The following SIRPB1 variants were observed in gnomAD, a reference collection of about 807,000 sequenced individuals.
The protein encoded by SIRPB1 is signal-regulatory protein beta-1.
SIRPB1 carries 28 observed loss-of-function variants against 34.1 expected under a neutral mutation model. The observed-to-expected ratio is 0.82, with a 90% CI of 0.61 to 1.12. The LOEUF is 1.12. SIRPB1 is among the 50% of genes most tolerant of loss of function. The probability of loss-of-function intolerance (pLI) is 0.00; values close to 1 mark genes in which losing one functional copy is unlikely to be tolerated. For missense variants in SIRPB1, 499 were observed against 507.0 expected (o/e 0.98, Z 0.15); for synonymous variants, 211 against 203.8 (o/e 1.04, Z -0.30).
At chr20:1,615,394 C>A (rs2091615408) in intron 1 of SIRPB1, among the ~76,000 whole-genome samples, 1 of 152,172 alleles carries the variant, frequency 6.6e-6, no homozygotes, top group Non-Finnish European at 1.5e-5. Context: ...GGGGAGCATA[C>A]TTTCCTGTCG....
In SIRPB1 at chr20:1,615,591, G is replaced by A. The variant is rs143399970; in HGVS notation, c.76+4278C>T. Reference sequence around the variant, plus strand: ...TGCAATAATCCTCAACCAAACACTAGCTGAGTTCAGCAGCATATTAGAAGG... The same window carrying A: ...TGCAATAATCCTCAACCAAACACTAACTGAGTTCAGCAGCATATTAGAAGG... On this transcript the variant is annotated intron_variant, in intron 1 of 5. Coordinates refer to ENST00000381605, the MANE Select transcript of SIRPB1 (RefSeq NM_006065.5). 1.9e-3 allele frequency among the ~76,000 whole-genome samples: 290 copies of A among 152,290 alleles called. 3 individuals carry two copies. Among genetic ancestry groups the A allele is most frequent in the African/African-American group, 6.8e-3 (281 of 41,550 alleles).
rs199924962 is a variant in SIRPB1 at position 1,578,420 on chromosome 20, G to T, written c.351C>A (p.Thr117=). The change falls in exon 2 of 6, where the codon ACC becomes ACA. Residue 117 remains threonine (T), a synonymous_variant. Transcript: ENST00000381605. ...CTTTCCGGAACTTCACACAGTAGTA[G>T]GTGCCGGCGTCTGCTGGGGTGATGT... The part of the protein sequence containing the change: ...ISNITPADAG[T]YYCVKFRKGS... 9.5e-6 allele frequency: 15 copies of T among 1,585,076 alleles called. No homozygotes were observed. Among genetic ancestry groups the T allele is most frequent in the Non-Finnish European group, 1.3e-5 (15 of 1,158,562 alleles).
chr20:1,614,052 C>T (rs562038787), intron 1 of SIRPB1, among the ~76,000 whole-genome samples: 2 of 152,290 alleles, frequency 1.3e-5, no homozygotes, highest in South Asian at 2.1e-4. Context: ...CAGCTCAGCT[C>T]TTATACAAAG....
chr20:1,610,921 T>C (rs144994306), intron 1 of SIRPB1, among the ~76,000 whole-genome samples: 1,601 of 72,976 alleles, frequency 0.022, 726 homozygotes, highest in African/African-American at 0.14. Flanking sequence ...GCACAGCATC[T>C]AGGGCAGAGC....
intron 1 of SIRPB1, among the ~76,000 whole-genome samples, chr20:1,615,195 C>A (rs990589523): frequency 2.6e-5 from 4 of 152,186 alleles, no homozygotes; most frequent in African/African-American, 9.7e-5. Context: ...ATAAAAGTAT[C>A]TCTTCTCTGT....
chr20:1,578,384 G>T lies in SIRPB1; in HGVS notation c.387C>A (p.Asp129Glu), dbSNP rs201140189. The change falls in exon 2 of 6, where the codon GAC becomes GAA. Residue 129 changes from aspartate to glutamate, a missense_variant. Transcript: ENST00000381605. ...CTGCTCCAGACTTAAACTCCACGTC[G>T]TCAGGGCTCCCTTTCCGGAACTTCA... ...YCVKFRKGSPDDVEFKSGAGT... is the reference protein window; with the variant it reads ...YCVKFRKGSPEDVEFKSGAGT... 4 of 1,585,714 alleles carry T rather than the reference G, an allele frequency of 2.5e-6. 1 individual carries two copies. The highest frequency in any genetic ancestry group is 2.7e-5 in the African/African-American group (2 of 73,658).
At chr20:1,572,256 G>C (rs542124961) in intron 2 of SIRPB1, among the ~76,000 whole-genome samples, 49 of 152,334 alleles carry the variant, frequency 3.2e-4, no homozygotes, top group African/African-American at 1.0e-3. Context: ...GCAGGGCCCA[G>C]AGGGAAGTCC....
At chr20:1,567,286 G>A (rs1442565416) in intron 4 of SIRPB1, among the ~76,000 whole-genome samples, 3 of 152,112 alleles carry the variant, frequency 2.0e-5, no homozygotes, top group Non-Finnish European at 4.4e-5. Context: ...GCCCACATGA[G>A]AGATAGACTG....
chr20:1,566,266 T>C lies in SIRPB1; in HGVS notation c.1086A>G (p.Glu362=), dbSNP rs1267410155. 1.9e-6 allele frequency: 3 copies of C among 1,588,700 alleles called. No individual in the cohort carries two copies. Among genetic ancestry groups the C allele is most frequent in the Non-Finnish European group, 1.7e-6 (2 of 1,166,648 alleles). The stretch of plus-strand genomic sequence containing the variant: ...GTGGAGCAGTAGGAGCCAGCGCTGC[T>C]TCTGGAAATCAGGGAAGAGGAGGAG... ...QKEHGSDITH[E]AALAPTAPLL... is the part of the protein sequence containing the mutation. The change falls in exon 5 of 6, where the codon GAA becomes GAG. Residue 362 remains glutamate (E), a splice_region_variant and synonymous_variant. Coordinates refer to ENST00000381605, the MANE Select transcript of SIRPB1 (RefSeq NM_006065.5).
rs2091112717 is a variant in SIRPB1, at chr20:1,565,297, C to T, written c.*203G>A. The T allele has an allele frequency of 2.8e-6, 1 of 353,756 alleles. No homozygotes were observed. 21.9% of individuals were successfully genotyped at this position (353,756 alleles called of 1,614,324 possible). ...CATGAGTCAGTGCCCAGAGCCCAAT[C>T]CCATGGCCCCTGCTCAGGACCGTGA... is the stretch of plus-strand genomic sequence containing the variant. On this transcript the variant is annotated 3_prime_UTR_variant, in exon 6 of 6. Coordinates refer to ENST00000381605, the MANE Select transcript of SIRPB1 (RefSeq NM_006065.5).
At chr20:1,614,123 T>C (rs993418542) in intron 1 of SIRPB1, among the ~76,000 whole-genome samples, 1 of 152,190 alleles carries the variant, frequency 6.6e-6, no homozygotes, top group African/African-American at 2.4e-5. Flanking sequence ...GAAAAATATG[T>C]CAATCATGAA....
In SIRPB1 at chr20:1,611,630, AG is replaced by A. The variant is rs1200970320; in HGVS notation, c.76+8238del. 10 of 1,277,672 alleles carry A rather than the reference AG, an allele frequency of 7.8e-6. 3 individuals are homozygous for A. The highest frequency in any genetic ancestry group is 1.0e-5 in the Non-Finnish European group (10 of 953,242). 79.1% of individuals were successfully genotyped at this position (1,277,672 alleles called of 1,614,324 possible). ...ACAGGGATCAGGGAAGTCACAGTGC[AG>A]TGCAGAGTGGCCGACTCTCCAGCTG... On this transcript the variant is annotated intron_variant, in intron 1 of 5. Coordinates refer to ENST00000381605, the MANE Select transcript of SIRPB1 (RefSeq NM_006065.5).
Position 1,595,066 on chromosome 20 carries a change from G to T in SIRPB1, c.77-16372C>A, listed in dbSNP as rs1021063640. 1.2e-4 allele frequency among the ~76,000 whole-genome samples: 6 copies of T among 48,232 alleles called. 2 individuals carry two copies. The highest frequency in any genetic ancestry group is 2.4e-4 in the Non-Finnish European group (6 of 25,110). The allele number at this position is 48,232 out of a possible 152,430, so 31.6% of individuals were successfully genotyped here. Reference sequence around the variant, plus strand: ...CTAGAATCATGGGTGCTGAGATCATGTGCTCAGCACCAAGGTCATGGTGCA... The same window carrying T: ...CTAGAATCATGGGTGCTGAGATCATTTGCTCAGCACCAAGGTCATGGTGCA... On this transcript the variant is annotated intron_variant, in intron 1 of 5. Transcript: ENST00000381605.
chr20:1,604,840 C>G lies in SIRPB1; in HGVS notation c.76+15029G>C. ...GATGACTTGAGAGTGAACGTCCTCG[C>G]GGGTCAGCACCACCTTGGCTGTGCT... On this transcript the variant is annotated intron_variant, in intron 1 of 5. Coordinates refer to ENST00000381605, the MANE Select transcript of SIRPB1 (RefSeq NM_006065.5). 4.9e-6 allele frequency: 3 copies of G among 616,316 alleles called. 1 individual carries two copies. Among genetic ancestry groups the G allele is most frequent in the Non-Finnish European group, 6.5e-6 (3 of 461,118 alleles). 38.2% of individuals were successfully genotyped at this position (616,316 alleles called of 1,614,324 possible).
chr20:1,569,502 T>C (rs1336819992), intron 4 of SIRPB1, among the ~76,000 whole-genome samples: 1 of 152,232 alleles, frequency 6.6e-6, no homozygotes, highest in African/African-American at 2.4e-5. Context: ...GACGTGACTA[T>C]GCACCTTCCA....
At chr20:1,616,285 G>A (rs928816821) in intron 1 of SIRPB1, among the ~76,000 whole-genome samples, 2 of 152,142 alleles carry the variant, frequency 1.3e-5, no homozygotes, top group African/African-American at 2.4e-5. Context: ...AAGACTGGAG[G>A]CATCACATTG....
At position 1,571,024 on chromosome 20, in the gene SIRPB1, T is replaced by A; in HGVS notation, c.865A>T (p.Asn289Tyr). 1 of 1,614,088 alleles carries A rather than the reference T, an allele frequency of 6.2e-7. No homozygotes were observed. The highest frequency in any genetic ancestry group is 8.5e-7 in the Non-Finnish European group (1 of 1,179,986). Residue 289 changes from asparagine to tyrosine, a missense_variant, in exon 4 of 6, where the codon AAT (asparagine) becomes TAT (tyrosine). Coordinates refer to ENST00000381605, the MANE Select transcript of SIRPB1 (RefSeq NM_006065.5). ...PRGLQLTWLE[N>Y]GNVSRTETAS... Reference sequence around the variant, plus strand: ...GTTTCTGTCCGGGACACATTTCCATTCTCCAACCAGGTCAGCTGTAGTCCC... The same window carrying A: ...GTTTCTGTCCGGGACACATTTCCATACTCCAACCAGGTCAGCTGTAGTCCC...
chr20:1,619,918 G>A lies in SIRPB1; in HGVS notation c.27C>T (p.His9=). ...TCATCAGCAGGAAAGGACTAGGAAG[G>A]TGGGGCCAGGAGGCTGGCACGGGCA... is the stretch of plus-strand genomic sequence containing the variant. MPVPASWP[H]LPSPFLLMTL... is the part of the protein sequence containing the mutation. The change falls in exon 1 of 6, where the codon CAC becomes CAT. Residue 9 remains histidine, a synonymous_variant. Coordinates refer to ENST00000381605, the MANE Select transcript of SIRPB1 (RefSeq NM_006065.5). 6.2e-7 allele frequency: 1 copy of A among 1,614,000 alleles called. No individual in the cohort carries two copies. Among genetic ancestry groups the A allele is most frequent in the South Asian group, 1.1e-5 (1 of 91,084 alleles).
In SIRPB1 at chr20:1,602,625, T is replaced by A. The variant is rs2091481085; in HGVS notation, c.76+17244A>T. On this transcript the variant is annotated intron_variant, in intron 1 of 5. Coordinates refer to ENST00000381605, the MANE Select transcript of SIRPB1 (RefSeq NM_006065.5). ...AACAATTTTATGAAATTTAATGGTATAAAATTTTAAATTTTATGAAGTTTA... is the reference window on the plus strand; with the variant it reads ...AACAATTTTATGAAATTTAATGGTAAAAAATTTTAAATTTTATGAAGTTTA... 4.0e-5 allele frequency among the ~76,000 whole-genome samples: 2 copies of A among 49,654 alleles called. 1 individual carries two copies. The highest frequency in any genetic ancestry group is 7.8e-5 in the Non-Finnish European group (2 of 25,710). The allele number at this position is 49,654 out of a possible 152,430, so 32.6% of individuals were successfully genotyped here. A position where few individuals can be genotyped will look rare whatever the true frequency, so the allele number is the denominator to read the frequency against.
Sources: gnomAD v4.1 joint callset for allele counts (sites outside exome capture counted in the v4.1 genomes callset) on GRCh38, gnomAD v4.1.1 for gene constraint, MANE v1.5 for transcripts, NCBI Gene and HGNC (gene_info 2026-07-23, HGNC 2026-07-21) for gene names.